TMEM117: variants seen among roughly 807,000 people sequenced by gnomAD.
The protein encoded by TMEM117 is transmembrane protein 117.
A neutral mutation model predicts 52.4 loss-of-function variants in TMEM117; 27 were observed. That is an observed-to-expected ratio of 0.51 (90% CI 0.38 to 0.71). The LOEUF is 0.71. Ranked by LOEUF, TMEM117 falls within the 30% of genes least tolerant of loss-of-function variation. TMEM117 has a pLI of 0.00. For synonymous variants in TMEM117, 215 were observed against 206.3 expected, an observed-to-expected ratio of 1.04 and a Z score of -0.36; for missense variants, 556 against 630.5, an observed-to-expected ratio of 0.88 and a Z score of 1.26.
chr12:44,038,601 G>A (rs1946748228), intron 3 of TMEM117, among the ~76,000 whole-genome samples: 1 of 152,198 alleles, frequency 6.6e-6, no homozygotes, highest in Admixed American at 6.5e-5. Flanking sequence ...CTGAGTGGGT[G>A]GAATGAGCCC....
chr12:44,073,026 G>A (rs1592492852), intron 3 of TMEM117, among the ~76,000 whole-genome samples: 2 of 151,754 alleles, frequency 1.3e-5, no homozygotes, highest in East Asian at 1.9e-4. Flanking sequence ...GAAGGCAGAG[G>A]TTGCAGTGAG....
intron 3 of TMEM117, among the ~76,000 whole-genome samples, chr12:43,984,926 A>C (rs1461583991): frequency 1.3e-5 from 2 of 152,222 alleles, no homozygotes; most frequent in African/African-American, 4.8e-5. Context: ...AATATCAATG[A>C]AATGGGAGCA....
chr12:43,859,254 AGTG>A (rs1943448095), intron 2 of TMEM117, among the ~76,000 whole-genome samples: 1 of 152,200 alleles, frequency 6.6e-6, no homozygotes, highest in Non-Finnish European at 1.5e-5. Flanking sequence ...AAGCTGGAGA[AGTG>A]GCAAGCGCAA....
At chr12:44,166,990 A>T (rs1459139482) in intron 4 of TMEM117, among the ~76,000 whole-genome samples, 1 of 152,176 alleles carries the variant, frequency 6.6e-6, no homozygotes, top group Non-Finnish European at 1.5e-5. Flanking sequence ...TTTTGCAATA[A>T]TTTGTCAAAT....
At chr12:43,921,213 C>A (rs1944688171) in intron 2 of TMEM117, among the ~76,000 whole-genome samples, 1 of 152,174 alleles carries the variant, frequency 6.6e-6, no homozygotes, top group African/African-American at 2.4e-5. Flanking sequence ...CCGTCTCTAG[C>A]CTAGAAGCTT....
intron 3 of TMEM117, among the ~76,000 whole-genome samples, chr12:43,977,880 G>T (rs1484110305): frequency 1.3e-5 from 2 of 152,196 alleles, no homozygotes; most frequent in Non-Finnish European, 2.9e-5. Context: ...GACTTTCCAG[G>T]AAGAGCATGT....
At chr12:44,037,267 G>A (rs1043060617) in intron 3 of TMEM117, among the ~76,000 whole-genome samples, 8 of 152,160 alleles carry the variant, frequency 5.3e-5, no homozygotes, top group Admixed American at 2.0e-4. Flanking sequence ...AGCTGCAGGC[G>A]AGGCATCTTT....
chr12:44,265,738 A>G (rs956664223), intron 5 of TMEM117, among the ~76,000 whole-genome samples: 4 of 152,128 alleles, frequency 2.6e-5, no homozygotes, highest in Admixed American at 2.0e-4. Flanking sequence ...CGCCCTACCT[A>G]TTATGCAGTT....
intron 6 of TMEM117, 109 bp from the exon 7 acceptor site, chr12:44,376,486 T>C: frequency 7.8e-7 from 1 of 1,289,554 alleles, no homozygotes; most frequent in Non-Finnish European, 1.1e-6. Context: ...AACAGCTGGC[T>C]GCATTTAAAT....
At chr12:43,936,572 A>G (rs1944954879) in intron 2 of TMEM117, among the ~76,000 whole-genome samples, 1 of 152,176 alleles carries the variant, frequency 6.6e-6, no homozygotes, top group South Asian at 2.1e-4. Flanking sequence ...AGACCATGGC[A>G]CATCATTATT....
At chr12:43,886,070 A>T (rs1943989116) in intron 2 of TMEM117, among the ~76,000 whole-genome samples, 2 of 152,190 alleles carry the variant, frequency 1.3e-5, no homozygotes, top group Non-Finnish European at 2.9e-5. Flanking sequence ...CCCATATGCT[A>T]TAGAGAGGCA....
In TMEM117 at chr12:43,845,460, C is replaced by CAAA. The variant is rs10677136; in HGVS notation, c.277+553_277+555dup. Among the ~76,000 whole-genome samples the CAAA allele has an allele frequency of 4.3e-3, 161 of 37,286 alleles. 2 individuals carry two copies. Among genetic ancestry groups the CAAA allele is most frequent in the African/African-American group, 9.7e-3 (93 of 9,610 alleles). The allele number at this position is 37,286 out of a possible 152,430, so 24.5% of individuals were successfully genotyped here. A position where few individuals can be genotyped will look rare whatever the true frequency, so the allele number is the denominator to read the frequency against. ...TGGGTGACACAGCGCGACTCCATCT[C>CAAA]AAAAAAAAAAAAAAAAAAAAAAAGA... is the stretch of plus-strand genomic sequence containing the variant. On this transcript the variant is annotated intron_variant, in intron 2 of 7. Transcript: ENST00000266534.
intron 3 of TMEM117, among the ~76,000 whole-genome samples, chr12:44,054,682 TATGGATACCA>T (rs1446083867): frequency 1.3e-5 from 2 of 151,668 alleles, no homozygotes; most frequent in Admixed American, 6.6e-5. Flanking sequence ...ATACTTTCCT[TATGGATACCA>T]ATAGGATTAT....
intron 2 of TMEM117, among the ~76,000 whole-genome samples, chr12:43,930,490 T>C (rs1944854005): frequency 6.6e-6 from 1 of 152,180 alleles, no homozygotes; most frequent in Admixed American, 6.5e-5. Context: ...ACACTGAAAA[T>C]CAGCAAATCT....
chr12:43,929,986 A>G (rs905727479), intron 2 of TMEM117, among the ~76,000 whole-genome samples: 1 of 152,156 alleles, frequency 6.6e-6, no homozygotes, highest in Admixed American at 6.5e-5. Flanking sequence ...GATAATATCT[A>G]AAGAATTGTA....
chr12:43,813,728 G>A, the TMEM117 span, among the ~76,000 whole-genome samples: 2 of 152,024 alleles, frequency 1.3e-5, no homozygotes, highest in African/African-American at 2.4e-5. Flanking sequence ...TTGTTTCCTC[G>A]TGAACTGTTC....
At chr12:44,320,699 C>T (rs1428901408) in intron 6 of TMEM117, among the ~76,000 whole-genome samples, 1 of 152,236 alleles carries the variant, frequency 6.6e-6, no homozygotes, top group East Asian at 1.9e-4. Flanking sequence ...AGCTTATATG[C>T]TGTCCTCTCT....
chr12:44,349,789 C>T (rs76565527), intron 6 of TMEM117, among the ~76,000 whole-genome samples: 1,675 of 152,112 alleles, frequency 0.011, 16 homozygotes, highest in Non-Finnish European at 0.019. Flanking sequence ...CAATTTTTTA[C>T]GCATTTGCTA....
chr12:44,154,885 T>C (rs937129386), intron 4 of TMEM117, among the ~76,000 whole-genome samples: 5 of 152,048 alleles, frequency 3.3e-5, no homozygotes, highest in African/African-American at 1.2e-4. Flanking sequence ...GTAATGCCAT[T>C]GCTATCTTTC....
Sources: allele counts gnomAD v4.1 joint callset (sites outside exome capture counted in the v4.1 genomes callset), GRCh38; gene constraint gnomAD v4.1.1; transcripts MANE v1.5; gene names NCBI Gene and HGNC (gene_info 2026-07-23, HGNC 2026-07-21).